The following STXBP5L variants were observed in gnomAD, a reference collection of about 807,000 sequenced individuals.
STXBP5L encodes syntaxin-binding protein 5-like.
In STXBP5L, 65 loss-of-function variants were observed where a neutral mutation model predicts 144.5. That is an observed-to-expected ratio of 0.45 (90% CI 0.37 to 0.55). The LOEUF is 0.55. STXBP5L is among the 20% of genes least tolerant of loss of function. The pLI, the probability that STXBP5L is intolerant of heterozygous loss-of-function variation, is 0.00. For missense variants in STXBP5L, 1,298 were observed against 1,405.5 expected (o/e 0.92, Z 1.22); for synonymous variants, 505 against 469.6 (o/e 1.08, Z -0.97).
intron 3 of STXBP5L, among the ~76,000 whole-genome samples, chr3:121,027,440 A>T (rs1946030281): frequency 6.6e-6 from 1 of 152,090 alleles, no homozygotes; most frequent in African/African-American, 2.4e-5. Context: ...AATGAGTCTC[A>T]CTTGGTTAAT....
At chr3:121,159,805 T>TG (rs1360960922) in intron 9 of STXBP5L, among the ~76,000 whole-genome samples, 1 of 151,676 alleles carries the variant, frequency 6.6e-6, no homozygotes. Flanking sequence ...AATTTTTTTT[T>TG]GTATTTTTAG....
intron 9 of STXBP5L, among the ~76,000 whole-genome samples, chr3:121,175,576 G>A (rs1172864877): frequency 6.6e-6 from 1 of 151,858 alleles, no homozygotes; most frequent in African/African-American, 2.4e-5. Context: ...AGTTTTTCAA[G>A]TATAAATGTT....
At chr3:121,303,229 A>T (rs2051996727) in intron 19 of STXBP5L, among the ~76,000 whole-genome samples, 1 of 152,256 alleles carries the variant, frequency 6.6e-6, no homozygotes, top group Non-Finnish European at 1.5e-5. Context: ...ATATGAACAG[A>T]CACTTCTCAA....
At chr3:121,188,540 A>G (rs959188426) in intron 9 of STXBP5L, among the ~76,000 whole-genome samples, 1 of 151,782 alleles carries the variant, frequency 6.6e-6, no homozygotes, top group African/African-American at 2.4e-5. Context: ...CCTGATGAAC[A>G]TCGATGTGAA....
chr3:121,379,645 T>A (rs938682917), intron 21 of STXBP5L, among the ~76,000 whole-genome samples: 4 of 152,308 alleles, frequency 2.6e-5, no homozygotes, highest in Non-Finnish European at 4.4e-5. Context: ...TTTGGTTTTT[T>A]AAATATTATG....
intron 7 of STXBP5L, among the ~76,000 whole-genome samples, chr3:121,137,383 A>T (rs1473193383): frequency 6.6e-6 from 1 of 152,212 alleles, no homozygotes; most frequent in East Asian, 1.9e-4. Context: ...AATTCAAAGG[A>T]TTGGCAGACT....
At chr3:121,349,442 G>A (rs2045172396) in intron 20 of STXBP5L, among the ~76,000 whole-genome samples, 1 of 151,940 alleles carries the variant, frequency 6.6e-6, no homozygotes, top group African/African-American at 2.4e-5. Context: ...CTGTTGATTT[G>A]GGGTGGAGAG....
chr3:121,312,564 G>T lies in STXBP5L; in HGVS notation c.2111-5911G>T, dbSNP rs534156390. 3.9e-4 allele frequency among the ~76,000 whole-genome samples: 55 copies of T among 141,674 alleles called. 1 individual carries two copies. The Middle Eastern group carries it at 0.027, about 69-fold the overall frequency. The allele number at this position is 141,674 out of a possible 152,430, so 92.9% of individuals were successfully genotyped here. A position where few individuals can be genotyped will look rare whatever the true frequency, so the allele number is the denominator to read the frequency against. On this transcript the variant is annotated intron_variant, in intron 19 of 26. Coordinates refer to ENST00000471454, the MANE Select transcript of STXBP5L (RefSeq NM_001308330.2). ...GGAGGGAAGGTCAGCAGATAAACAA[G>T]TGAACAAAGGTCTCTGGTTTTCCTA...
intron 20 of STXBP5L, chr3:121,357,677 C>T (rs1159677592): frequency 6.6e-6 from 1 of 152,160 alleles, no homozygotes; most frequent in Non-Finnish European, 1.5e-5. Flanking sequence ...ATGAATATAT[C>T]ATTTGTCTTG....
At chr3:121,197,219 G>T (rs892156232) in intron 9 of STXBP5L, among the ~76,000 whole-genome samples, 3 of 151,888 alleles carry the variant, frequency 2.0e-5, no homozygotes, top group African/African-American at 4.8e-5. Flanking sequence ...TTTATGGTTT[G>T]CTTTAAACTT....
At chr3:121,217,416 C>T (rs1413180273) in intron 10 of STXBP5L, among the ~76,000 whole-genome samples, 1 of 152,280 alleles carries the variant, frequency 6.6e-6, no homozygotes, top group African/African-American at 2.4e-5. Context: ...TCCCTCATGG[C>T]TTCCCTTGGC....
At chr3:121,006,877 C>T (rs1944358355) in intron 3 of STXBP5L, among the ~76,000 whole-genome samples, 1 of 152,070 alleles carries the variant, frequency 6.6e-6, no homozygotes, top group Non-Finnish European at 1.5e-5. Context: ...GAATATTGGC[C>T]CCCACTCTCT....
In STXBP5L at chr3:121,223,077, A is replaced by G. The variant is rs2049022308; in HGVS notation, c.1031A>G (p.His344Arg). Reference sequence around the variant, plus strand: ...AGAAGACCAAGTTTAACCATCATGCATGGAAAAGCAATTACAGTACTTGAA... The same window carrying G: ...AGAAGACCAAGTTTAACCATCATGCGTGGAAAAGCAATTACAGTACTTGAA... ...ACRRPSLTIMHGKAITVLEMD... is the reference protein window; with the variant it reads ...ACRRPSLTIMRGKAITVLEMD... The change falls in exon 11 of 27, where the codon CAT becomes CGT. Residue 344 changes from histidine to arginine, a missense_variant. By Grantham distance (29) the His-to-Arg change is conservative. Coordinates refer to ENST00000471454, the MANE Select transcript of STXBP5L (RefSeq NM_001308330.2). 1.2e-6 allele frequency: 2 copies of G among 1,613,108 alleles called. No homozygotes were observed. The highest frequency in any genetic ancestry group is 1.7e-6 in the Non-Finnish European group (2 of 1,179,524).
intron 5 of STXBP5L, among the ~76,000 whole-genome samples, chr3:121,059,999 C>T (rs1401194781): frequency 6.6e-6 from 1 of 152,128 alleles, no homozygotes; most frequent in African/African-American, 2.4e-5. Flanking sequence ...CTAGAACTTC[C>T]AATACTATGT....
intron 5 of STXBP5L, among the ~76,000 whole-genome samples, chr3:121,053,102 C>G (rs143961857): frequency 0.1 from 15,140 of 152,100 alleles, 1,192 homozygotes; most frequent in Admixed American, 0.2. Flanking sequence ...AGGATACAAA[C>G]AAATGGAAGA....
chr3:121,313,737 A>ACC (rs551135993), intron 19 of STXBP5L, among the ~76,000 whole-genome samples: 13 of 73,280 alleles, frequency 1.8e-4, no homozygotes, highest in Admixed American at 5.5e-4. Flanking sequence ...CGGGGGGCTG[A>ACC]CCCCCCCCAC....
At chr3:121,066,432 T>A (rs920252813) in intron 5 of STXBP5L, among the ~76,000 whole-genome samples, 3 of 151,492 alleles carry the variant, frequency 2.0e-5, no homozygotes, top group African/African-American at 7.3e-5. Context: ...TGTTGAATTT[T>A]ATCATATACT....
intron 7 of STXBP5L, among the ~76,000 whole-genome samples, chr3:121,132,792 A>T (rs1434828609): frequency 6.6e-6 from 1 of 152,206 alleles, no homozygotes; most frequent in Non-Finnish European, 1.5e-5. Flanking sequence ...GAAAATATTT[A>T]AAAGTACTAA....
chr3:121,149,293 T>C (rs1197277781), intron 7 of STXBP5L, among the ~76,000 whole-genome samples: 3 of 152,008 alleles, frequency 2.0e-5, no homozygotes, highest in Non-Finnish European at 2.9e-5. Context: ...AAGAAATGTA[T>C]AACATATAAA....
Sources: gnomAD v4.1 joint callset for allele counts (sites outside exome capture counted in the v4.1 genomes callset) on GRCh38, gnomAD v4.1.1 for gene constraint, MANE v1.5 for transcripts, NCBI Gene and HGNC (gene_info 2026-07-23, HGNC 2026-07-21) for gene names.